The following KIAA0040 variants were observed in gnomAD, a reference collection of about 807,000 sequenced individuals.
KIAA0040 encodes uncharacterized protein KIAA0040.
KIAA0040 carries 10 observed loss-of-function variants against 7.2 expected under a neutral mutation model. That is an observed-to-expected ratio of 1.38 (90% CI 0.85 to 2.34). The LOEUF (loss-of-function observed/expected upper bound fraction) is 2.34. KIAA0040 is among the 30% of genes most tolerant of loss of function. The pLI, the probability that KIAA0040 is intolerant of heterozygous loss-of-function variation, is 0.00. For synonymous variants in KIAA0040, 49 were observed against 40.1 expected (o/e 1.22, Z -0.84); for missense variants, 89 against 108.2 (o/e 0.82, Z 0.79).
chr1:175,173,972 C>T (rs1677084114), intron 2 of KIAA0040, among the ~76,000 whole-genome samples: 1 of 152,142 alleles, frequency 6.6e-6, no homozygotes, highest in African/African-American at 2.4e-5. Flanking sequence ...CACTAACCTC[C>T]CACATGGCCA....
chr1:175,183,046 G>A (rs1041623580), intron 1 of KIAA0040, among the ~76,000 whole-genome samples: 3 of 152,236 alleles, frequency 2.0e-5, no homozygotes, highest in African/African-American at 7.2e-5. Flanking sequence ...CTGACGCAAA[G>A]CGCCCTCTAA....
At chr1:175,170,866 CACTA>C (rs1558393210) in intron 2 of KIAA0040, among the ~76,000 whole-genome samples, 1 of 151,082 alleles carries the variant, frequency 6.6e-6, no homozygotes. Flanking sequence ...GGCTTCCCGT[CACTA>C]GAAGTATGAC....
intron 1 of KIAA0040, among the ~76,000 whole-genome samples, chr1:175,178,538 T>A (rs1292904056): frequency 6.6e-6 from 1 of 152,256 alleles, no homozygotes; most frequent in East Asian, 1.9e-4. Context: ...TGCATGTGGA[T>A]TTCATGTCAA....
At chr1:175,183,121 G>T (rs1677506474) in intron 1 of KIAA0040, among the ~76,000 whole-genome samples, 1 of 152,206 alleles carries the variant, frequency 6.6e-6, no homozygotes, top group South Asian at 2.1e-4. Context: ...GTAGCGCGGA[G>T]ATATCATAGT....
intron 3 of KIAA0040, among the ~76,000 whole-genome samples, chr1:175,164,254 G>A (rs951100549): frequency 8.5e-5 from 13 of 152,296 alleles, no homozygotes; most frequent in Admixed American, 3.9e-4. Flanking sequence ...CTCCTTATCC[G>A]TTTATCAAAC....
intron 2 of KIAA0040, among the ~76,000 whole-genome samples, chr1:175,171,900 C>G (rs562531067): frequency 1.3e-5 from 2 of 152,170 alleles, no homozygotes; most frequent in African/African-American, 4.8e-5. Context: ...TTAATTAAGA[C>G]GTGCTAGGAA....
At position 175,188,152 on chromosome 1, in the gene KIAA0040, G is replaced by C. The variant is rs79344172; in HGVS notation, c.-384+4488C>G. ...TGGAGCGGCTTGCTCACAATCGTGG[G>C]AGCAAGTCTCTTCCCAGGGGTGGGG... On this transcript the variant is annotated intron_variant, in intron 1 of 3. Coordinates refer to ENST00000423313, the MANE Select transcript of KIAA0040 (RefSeq NM_014656.3). Among the ~76,000 whole-genome samples the C allele has an allele frequency of 1.3e-4, 20 of 152,330 alleles. No individual in the cohort carries two copies. The East Asian group carries it at 3.9e-3, about 29-fold the overall frequency.
intron 1 of KIAA0040, among the ~76,000 whole-genome samples, chr1:175,188,550 T>C (rs2101913553): frequency 6.6e-6 from 1 of 152,328 alleles, no homozygotes; most frequent in East Asian, 1.9e-4. Context: ...CATATCGATA[T>C]TGGATATGTA....
At chr1:175,171,371 T>G (rs1676986157) in intron 2 of KIAA0040, among the ~76,000 whole-genome samples, 1 of 152,164 alleles carries the variant, frequency 6.6e-6, no homozygotes, top group Non-Finnish European at 1.5e-5. Flanking sequence ...CCTGTCCTAT[T>G]CTGTTTGGAT....
chr1:175,160,964 G>C lies in KIAA0040; in HGVS notation c.50C>G (p.Thr17Ser). 6.4e-7 allele frequency: 1 copy of C among 1,551,540 alleles called. No homozygotes were observed. The highest frequency in any genetic ancestry group is 1.2e-5 in the South Asian group (1 of 84,042). Residue 17 changes from threonine to serine, a missense_variant, in exon 4 of 4, where the codon ACC becomes AGC. Physicochemically the swap from Thr to Ser is moderately conservative, Grantham distance 58 (BLOSUM62 1). Transcript: ENST00000423313. The part of the protein sequence containing the change: ...FFSSIWDTIL[T>S]KHQEGIYNTI... ...GTTGTAGATGCCTTCTTGGTGTTTGGTCAAGATGGTGTCCCAGATAGAGCT... is the reference window on the plus strand; with the variant it reads ...GTTGTAGATGCCTTCTTGGTGTTTGCTCAAGATGGTGTCCCAGATAGAGCT...
intron 2 of KIAA0040, among the ~76,000 whole-genome samples, chr1:175,168,536 C>A (rs945563881): frequency 6.6e-6 from 1 of 152,132 alleles, no homozygotes; most frequent in Non-Finnish European, 1.5e-5. Flanking sequence ...ATGATTAAGG[C>A]ACCATGGTTA....
Position 175,191,417 on chromosome 1 carries a change from T to C in KIAA0040, c.-384+1223A>G, listed in dbSNP as rs1028232227. The stretch of plus-strand genomic sequence containing the variant: ...TTACAACGCATCTCTTTCCTAAAAT[T>C]GTATCTGGGATGGGGACAGAGAGGC... On this transcript the variant is annotated intron_variant, in intron 1 of 3. Coordinates refer to ENST00000423313, the MANE Select transcript of KIAA0040 (RefSeq NM_014656.3). Among the ~76,000 whole-genome samples the C allele has an allele frequency of 3.9e-5, 6 of 152,306 alleles. No individual in the cohort carries two copies. In the East Asian group the frequency reaches 1.2e-3, roughly 29 times the overall value.
At chr1:175,192,516 T>C (rs527703069) in intron 1 of KIAA0040, 124 bp downstream of exon 1, 240 of 152,292 alleles carry the variant, frequency 1.6e-3, no homozygotes, top group African/African-American at 5.6e-3. Flanking sequence ...TTAGGAATAA[T>C]TCCTTGTATC....
At chr1:175,162,707 T>G (rs1315717430) in intron 3 of KIAA0040, among the ~76,000 whole-genome samples, 1 of 152,160 alleles carries the variant, frequency 6.6e-6, no homozygotes, top group African/African-American at 2.4e-5. Context: ...ATTCCTTGGA[T>G]AGCATGCTCT....
intron 2 of KIAA0040, among the ~76,000 whole-genome samples, chr1:175,169,062 G>GA (rs1676882752): frequency 6.6e-6 from 1 of 152,234 alleles, no homozygotes; most frequent in African/African-American, 2.4e-5. Flanking sequence ...AAAATGAAAT[G>GA]AGTTAGAATA....
rs1269982693 is a variant in KIAA0040, at chr1:175,158,430, T to A, written c.*2284A>T. 2 of 152,170 alleles carry A rather than the reference T, an allele frequency of 1.3e-5. No individual in the cohort carries two copies. Among genetic ancestry groups the A allele is most frequent in the African/African-American group, 4.8e-5 (2 of 41,416 alleles). 9.4% of individuals were successfully genotyped at this position (152,170 alleles called of 1,614,324 possible). A position where few individuals can be genotyped will look rare whatever the true frequency, so the allele number is the denominator to read the frequency against. On this transcript the variant is annotated 3_prime_UTR_variant, in exon 4 of 4. Transcript: ENST00000423313. ...GCAGTTGCCATGGAAACCATGTTAC[T>A]TGTATGGTCCCGGATCCCGGTGATC...
At chr1:175,165,872 C>G (rs915851089) in intron 3 of KIAA0040, among the ~76,000 whole-genome samples, 1 of 151,614 alleles carries the variant, frequency 6.6e-6, no homozygotes, top group Admixed American at 6.6e-5. Context: ...GGGAGCAGGG[C>G]GTTCTATTCT....
At chr1:175,184,000 G>A (rs1174668258) in intron 1 of KIAA0040, among the ~76,000 whole-genome samples, 1 of 152,186 alleles carries the variant, frequency 6.6e-6, no homozygotes, top group Non-Finnish European at 1.5e-5. Flanking sequence ...GGCAGCTTCT[G>A]CCATGTAAAG....
intron 3 of KIAA0040, among the ~76,000 whole-genome samples, chr1:175,164,512 C>T: frequency 6.6e-6 from 1 of 152,126 alleles, no homozygotes; most frequent in East Asian, 1.9e-4. Flanking sequence ...CCCACCCCTC[C>T]CAACCTTTGT....
Sources: gnomAD v4.1 joint callset for allele counts (sites outside exome capture counted in the v4.1 genomes callset) on GRCh38, gnomAD v4.1.1 for gene constraint, MANE v1.5 for transcripts, NCBI Gene and HGNC (gene_info 2026-07-23, HGNC 2026-07-21) for gene names.